The following PIP5K1A variants were observed in gnomAD, a reference collection of about 807,000 sequenced individuals.
PIP5K1A encodes phosphatidylinositol 4-phosphate 5-kinase type-1 alpha.
PIP5K1A carries 46 observed loss-of-function variants against 72.9 expected under a neutral mutation model. The ratio of observed to expected loss-of-function variants is 0.63; its 90% CI spans 0.50 to 0.81. PIP5K1A has a LOEUF of 0.81. Among genes scored for constraint, PIP5K1A ranks in the 30% least tolerant of loss-of-function variants. PIP5K1A has a pLI of 0.00. For missense variants in PIP5K1A, 458 were observed against 706.1 expected (o/e 0.65, Z 3.98); for synonymous variants, 228 against 255.1 (o/e 0.89, Z 1.01).
intron 1 of PIP5K1A, among the ~76,000 whole-genome samples, chr1:151,219,659 C>T (rs1209485935): frequency 2.6e-5 from 4 of 151,758 alleles, no homozygotes; most frequent in East Asian, 3.9e-4. Context: ...GTACCATTGC[C>T]CTCCAGTCTG....
intron 1 of PIP5K1A, chr1:151,223,997 A>C: frequency 1.8e-6 from 1 of 556,366 alleles, no homozygotes; most frequent in Non-Finnish European, 3.2e-6. Flanking sequence ...TATTTCCCAG[A>C]GAAAATATGG....
chr1:151,209,257 T>C (rs587698710), intron 1 of PIP5K1A, among the ~76,000 whole-genome samples: 140 of 152,078 alleles, frequency 9.2e-4, no homozygotes, highest in Non-Finnish European at 1.5e-3. Flanking sequence ...TCTATTATAT[T>C]GTAAGGGATC....
At chr1:151,232,194 T>G in intron 5 of PIP5K1A, 54 bp from the exon 6 acceptor site, 1 of 1,178,366 alleles carries the variant, frequency 8.5e-7, no homozygotes, top group Non-Finnish European at 1.3e-6. Context: ...GCAAGGTAGA[T>G]TCTCTGGATG....
chr1:151,221,953 GGTACACACCTGTA>G (rs1688455723), intron 1 of PIP5K1A, among the ~76,000 whole-genome samples: 1 of 152,096 alleles, frequency 6.6e-6, no homozygotes, highest in Non-Finnish European at 1.5e-5. Flanking sequence ...TGGGCATGGT[GGTACACACCTGTA>G]GTCCCAACTA....
chr1:151,201,751 A>G (rs1454389654), intron 1 of PIP5K1A, among the ~76,000 whole-genome samples: 1 of 152,006 alleles, frequency 6.6e-6, no homozygotes, highest in African/African-American at 2.4e-5. Context: ...AATCCCAGCT[A>G]CTTAGGAGGC....
chr1:151,234,358 G>A lies in PIP5K1A; in HGVS notation c.801G>A (p.Arg267=). The A allele has an allele frequency of 6.2e-7, 1 of 1,614,090 alleles. No homozygotes were observed. Among genetic ancestry groups the A allele is most frequent in the Admixed American group, 1.7e-5 (1 of 60,006 alleles). The change falls in exon 8 of 16, where the codon CGG becomes CGA. Residue 267 remains arginine, a synonymous_variant. Transcript: ENST00000368888. ...KYDLKGSTYK[R]RASQKEREKP... is the part of the protein sequence containing the mutation. The stretch of plus-strand genomic sequence containing the variant: ...ACCTCAAAGGCTCAACCTACAAACG[G>A]CGGGCTTCCCAGAAAGAGCGAGAGA...
chr1:151,204,742 T>G (rs1432435824), intron 1 of PIP5K1A, among the ~76,000 whole-genome samples: 1 of 152,170 alleles, frequency 6.6e-6, no homozygotes, highest in Non-Finnish European at 1.5e-5. Flanking sequence ...CTTTTTCCTT[T>G]TGTCACCTTG....
At chr1:151,211,692 G>T (rs1271393400) in intron 1 of PIP5K1A, among the ~76,000 whole-genome samples, 1 of 151,296 alleles carries the variant, frequency 6.6e-6, no homozygotes, top group Non-Finnish European at 1.5e-5. Context: ...GCTACTCCCA[G>T]CTGCTCGGGA....
chr1:151,201,432 C>G (rs1196913102), intron 1 of PIP5K1A, among the ~76,000 whole-genome samples: 1 of 151,976 alleles, frequency 6.6e-6, no homozygotes, highest in African/African-American at 2.4e-5. Context: ...TTACTGCAAC[C>G]TCTGCCTCCC....
rs750426972 is a variant in PIP5K1A, at chr1:151,199,089, C to A, written c.85+8C>A. The stretch of plus-strand genomic sequence containing the variant: ...CCTGTACCTTGTCCTCAGGTAAGCC[C>A]GGCAGGGCGTGGGTAGGGAGCTGGT... On this transcript the variant is annotated splice_region_variant and intron_variant, in intron 1 of 15. Coordinates refer to ENST00000368888, the MANE Select transcript of PIP5K1A (RefSeq NM_001135638.2). The A allele has an allele frequency of 6.2e-7, 1 of 1,613,950 alleles. No homozygotes were observed. The highest frequency in any genetic ancestry group is 1.1e-5 in the South Asian group (1 of 91,078).
intron 15 of PIP5K1A, among the ~76,000 whole-genome samples, chr1:151,247,494 C>G (rs778540475): frequency 6.6e-6 from 1 of 152,044 alleles, no homozygotes; most frequent in Non-Finnish European, 1.5e-5. Context: ...GGCGCGATCT[C>G]GGCTCACTGC....
intron 1 of PIP5K1A, among the ~76,000 whole-genome samples, chr1:151,208,651 G>A (rs1362864555): frequency 6.8e-6 from 1 of 147,998 alleles, no homozygotes; most frequent in Admixed American, 6.8e-5. Flanking sequence ...GAGCCACTGC[G>A]TCCGGCCGTG....
rs587597684 is a variant in PIP5K1A at position 151,198,614 on chromosome 1, G to A, written c.-383G>A. The A allele has an allele frequency of 5.3e-4, 120 of 227,460 alleles. 2 individuals carry two copies. In the South Asian group the frequency reaches 8.5e-3, roughly 16 times the overall value. The allele number at this position is 227,460 out of a possible 1,614,324, so 14.1% of individuals were successfully genotyped here. A position where few individuals can be genotyped will look rare whatever the true frequency, so the allele number is the denominator to read the frequency against. On this transcript the variant is annotated 5_prime_UTR_variant, in exon 1 of 16. Coordinates refer to ENST00000368888, the MANE Select transcript of PIP5K1A (RefSeq NM_001135638.2). Reference sequence around the variant, plus strand: ...TTGGGCGATTAACAGGCCGTGGTTAGGAAGGACGGAGAAGGGGCGTTCGCT... The same window carrying A: ...TTGGGCGATTAACAGGCCGTGGTTAAGAAGGACGGAGAAGGGGCGTTCGCT...
rs1684797015 is a variant in PIP5K1A at position 151,198,928 on chromosome 1, T to A, written c.-69T>A. ...TTCTGTAAAGAGACGTTGGGAAGAT[T>A]CGATTCCGAGAAGAGGAAGAACCGG... On this transcript the variant is annotated 5_prime_UTR_variant, in exon 1 of 16. Transcript: ENST00000368888. The A allele has an allele frequency of 6.9e-7, 1 of 1,456,660 alleles. No homozygotes were observed. Among genetic ancestry groups the A allele is most frequent in the Admixed American group, 1.7e-5 (1 of 58,902 alleles). The allele number at this position is 1,456,660 out of a possible 1,614,324, so 90.2% of individuals were successfully genotyped here. A position where few individuals can be genotyped will look rare whatever the true frequency, so the allele number is the denominator to read the frequency against.
chr1:151,202,764 C>G (rs1463043009), intron 1 of PIP5K1A, among the ~76,000 whole-genome samples: 2 of 150,412 alleles, frequency 1.3e-5, no homozygotes, highest in African/African-American at 4.9e-5. Flanking sequence ...CCACCATGCC[C>G]TGCCAGTAAA....
chr1:151,227,928 G>A (rs1689398319), intron 4 of PIP5K1A, among the ~76,000 whole-genome samples: 1 of 152,132 alleles, frequency 6.6e-6, no homozygotes, highest in South Asian at 2.1e-4. Flanking sequence ...GGCATTGGTT[G>A]CTATTTTACT....
intron 12 of PIP5K1A, among the ~76,000 whole-genome samples, chr1:151,241,650 A>G (rs1390116846): frequency 1.3e-5 from 2 of 151,988 alleles, no homozygotes; most frequent in Non-Finnish European, 2.9e-5. Flanking sequence ...AAAATATAAA[A>G]TTAGCTGGGT....
chr1:151,236,619 A>T lies in PIP5K1A; in HGVS notation c.1001A>T (p.His334Leu). ...SLLMSIHNID[H>L]AQREPLSSET... ...TTGATGTCAATCCATAATATAGATCATGCACAACGAGAGCCCTTAAGCAGT... is the reference window on the plus strand; with the variant it reads ...TTGATGTCAATCCATAATATAGATCTTGCACAACGAGAGCCCTTAAGCAGT... The change falls in exon 9 of 16, where the codon CAT (histidine) becomes CTT (leucine). Residue 334 changes from histidine (H) to leucine (L), a missense_variant. Physicochemically the swap from His to Leu is moderately conservative, Grantham distance 99. Transcript: ENST00000368888. 6.2e-7 allele frequency: 1 copy of T among 1,613,230 alleles called. No homozygotes were observed. Among genetic ancestry groups the T allele is most frequent in the Middle Eastern group, 1.7e-4 (1 of 6,056 alleles).
chr1:151,224,208 T>C, intron 1 of PIP5K1A, 37 bp from the exon 2 acceptor site: 1 of 1,587,868 alleles, frequency 6.3e-7, no homozygotes, highest in African/African-American at 1.3e-5. Context: ...TGTGAGTGTG[T>C]GATACACTCT....
Sources: gnomAD v4.1 joint callset for allele counts (sites outside exome capture counted in the v4.1 genomes callset) on GRCh38, gnomAD v4.1.1 for gene constraint, MANE v1.5 for transcripts, NCBI Gene and HGNC (gene_info 2026-07-23, HGNC 2026-07-21) for gene names.